COL26A1: variants seen among roughly 807,000 people sequenced by gnomAD.
The protein encoded by COL26A1 is collagen alpha-1(XXVI) chain.
A neutral mutation model predicts 59.3 loss-of-function variants in COL26A1; 41 were observed. The ratio of observed to expected loss-of-function variants is 0.69; its 90% CI spans 0.54 to 0.90. The LOEUF (loss-of-function observed/expected upper bound fraction) is 0.90. Ranked by LOEUF, COL26A1 falls within the 40% of genes least tolerant of loss-of-function variation. COL26A1 has a pLI of 0.00. For synonymous variants in COL26A1, 266 were observed against 256.0 expected (o/e 1.04, Z -0.37); for missense variants, 612 against 602.3 (o/e 1.02, Z -0.17).
chr7:101,498,790 C>T (rs1412915470), intron 3 of COL26A1, among the ~76,000 whole-genome samples: 1 of 152,062 alleles, frequency 6.6e-6, no homozygotes, highest in East Asian at 1.9e-4. Flanking sequence ...AAGTCAAAGG[C>T]TATTGTTGTT....
intron 3 of COL26A1, 128 bp downstream of exon 3, chr7:101,447,915 A>C (rs915917964): frequency 6.1e-6 from 4 of 657,964 alleles, no homozygotes; most frequent in African/African-American, 1.8e-5. Flanking sequence ...CCTTTTCCCA[A>C]TCGCCTCTGA....
At chr7:101,523,349 G>A (rs553688432) in intron 3 of COL26A1, among the ~76,000 whole-genome samples, 5 of 152,230 alleles carry the variant, frequency 3.3e-5, no homozygotes, top group South Asian at 2.1e-4. Flanking sequence ...AATTACAGGC[G>A]TGAGCCACCA....
chr7:101,517,506 C>A (rs906849520), intron 3 of COL26A1, among the ~76,000 whole-genome samples: 4 of 152,218 alleles, frequency 2.6e-5, no homozygotes, highest in Non-Finnish European at 2.9e-5. Flanking sequence ...AGAGCTTGTG[C>A]TGGGTGCAGG....
chr7:101,456,265 G>A (rs959508645), intron 3 of COL26A1, among the ~76,000 whole-genome samples: 1 of 151,242 alleles, frequency 6.6e-6, no homozygotes, highest in African/African-American at 2.4e-5. Flanking sequence ...AGGCTGGGGT[G>A]CAGTGGTGTG....
In COL26A1 at chr7:101,517,499, G is replaced by A. The variant is rs148779537; in HGVS notation, c.386-15583G>A. ...GTGAGACTTCCCCAGCCACGAGAGA[G>A]CTTGTGCTGGGTGCAGGGAAACTCC... is the stretch of plus-strand genomic sequence containing the variant. On this transcript the variant is annotated intron_variant, in intron 3 of 12. Coordinates refer to ENST00000313669, the MANE Select transcript of COL26A1 (RefSeq NM_001278563.3). Among the ~76,000 whole-genome samples, 965 of 152,332 alleles carry A rather than the reference G, an allele frequency of 6.3e-3. 6 individuals are homozygous for A. The highest frequency in any genetic ancestry group is 0.022 in the African/African-American group (902 of 41,582).
chr7:101,386,544 GCAGGCC>G (rs1324711720), intron 1 of COL26A1, among the ~76,000 whole-genome samples: 2 of 152,180 alleles, frequency 1.3e-5, no homozygotes, highest in Non-Finnish European at 2.9e-5. Flanking sequence ...CAGCTGAACC[GCAGGCC>G]CCTGGGGGTC....
At chr7:101,444,505 C>T (rs1584412675) in intron 2 of COL26A1, among the ~76,000 whole-genome samples, 3 of 151,480 alleles carry the variant, frequency 2.0e-5, no homozygotes, top group Middle Eastern at 3.4e-3. Context: ...AACTCCGCCT[C>T]CTGGGTTCAA....
At chr7:101,551,517 G>A (rs537146232) in intron 10 of COL26A1, among the ~76,000 whole-genome samples, 2 of 152,086 alleles carry the variant, frequency 1.3e-5, no homozygotes, top group East Asian at 1.9e-4. Flanking sequence ...TCCTTTAATC[G>A]ACTTTCTTGG....
At chr7:101,484,846 T>TAATG (rs1357287826) in intron 3 of COL26A1, among the ~76,000 whole-genome samples, 2 of 150,840 alleles carry the variant, frequency 1.3e-5, no homozygotes, top group Admixed American at 1.3e-4. Context: ...TATTTTTAAT[T>TAATG]AATTAATTAA....
At chr7:101,507,900 T>C (rs1794844974) in intron 3 of COL26A1, among the ~76,000 whole-genome samples, 1 of 152,144 alleles carries the variant, frequency 6.6e-6, no homozygotes, top group Non-Finnish European at 1.5e-5. Flanking sequence ...GGTTTCTTTG[T>C]GCAGATTAAG....
intron 6 of COL26A1, 33 bp from the exon 7 acceptor site, chr7:101,545,305 C>T (rs372785147): frequency 6.9e-5 from 106 of 1,532,766 alleles, no homozygotes; most frequent in Non-Finnish European, 8.2e-5. Flanking sequence ...CAGGCTCCGG[C>T]TGCCACAGTG....
At chr7:101,460,708 G>C (rs1482568397) in intron 3 of COL26A1, among the ~76,000 whole-genome samples, 1 of 152,044 alleles carries the variant, frequency 6.6e-6, no homozygotes, top group Non-Finnish European at 1.5e-5. Context: ...TTGAACCCGG[G>C]AGGCGGAGGT....
chr7:101,432,895 T>C (rs1330056782), intron 2 of COL26A1, among the ~76,000 whole-genome samples: 1 of 151,886 alleles, frequency 6.6e-6, no homozygotes, highest in Non-Finnish European at 1.5e-5. Context: ...AGAGACAGGG[T>C]TTCGCCATAT....
At position 101,424,175 on chromosome 7, in the gene COL26A1, TG is replaced by T. The variant is rs548239912; in HGVS notation, c.281+4079del. 1.6e-3 allele frequency among the ~76,000 whole-genome samples: 238 copies of T among 152,366 alleles called. 1 individual carries two copies. Among genetic ancestry groups the T allele is most frequent in the South Asian group, 3.5e-3 (17 of 4,828 alleles). On this transcript the variant is annotated intron_variant, in intron 2 of 12. Transcript: ENST00000313669. Reference sequence around the variant, plus strand: ...GTGATTGTGCCACTGTACTCCAGCCTGGGCGACAGAGCGAGACCGTGTCTGA... The same window carrying T: ...GTGATTGTGCCACTGTACTCCAGCCTGGCGACAGAGCGAGACCGTGTCTGA...
intron 5 of COL26A1, among the ~76,000 whole-genome samples, chr7:101,541,281 T>A (rs1482446263): frequency 6.6e-6 from 1 of 152,246 alleles, no homozygotes; most frequent in Admixed American, 6.5e-5. Flanking sequence ...CTCTGAACTC[T>A]CTGGCTGGAA....
intron 3 of COL26A1, among the ~76,000 whole-genome samples, chr7:101,457,595 T>C (rs1373848538): frequency 6.6e-6 from 1 of 152,188 alleles, no homozygotes; most frequent in African/African-American, 2.4e-5. Context: ...CGTGTGAGGT[T>C]AGAAGCAAGA....
intron 3 of COL26A1, among the ~76,000 whole-genome samples, chr7:101,492,208 C>T (rs376319804): frequency 2.0e-5 from 3 of 151,960 alleles, no homozygotes; most frequent in East Asian, 1.9e-4. Context: ...AGAATCTTGA[C>T]GGAAAACTAC....
chr7:101,372,816 C>T (rs1049784889), intron 1 of COL26A1, among the ~76,000 whole-genome samples: 1 of 151,970 alleles, frequency 6.6e-6, no homozygotes, highest in Non-Finnish European at 1.5e-5. Flanking sequence ...GGCAACACAG[C>T]AAGACCCCGT....
rs115362864 is a variant in COL26A1, at chr7:101,440,085, G to A, written c.282-7599G>A. On this transcript the variant is annotated intron_variant, in intron 2 of 12. Coordinates refer to ENST00000313669, the MANE Select transcript of COL26A1 (RefSeq NM_001278563.3). ...TCTGCATTTTAGAAAGTTTGCCTAGGCCAGGGGCAGTGGCTCACGCCTGTA... is the reference window on the plus strand; with the variant it reads ...TCTGCATTTTAGAAAGTTTGCCTAGACCAGGGGCAGTGGCTCACGCCTGTA... 3.8e-3 allele frequency among the ~76,000 whole-genome samples: 575 copies of A among 152,314 alleles called. 3 individuals carry two copies. The highest frequency in any genetic ancestry group is 0.013 in the African/African-American group (554 of 41,576).
Sources: gnomAD v4.1 joint callset for allele counts (sites outside exome capture counted in the v4.1 genomes callset) on GRCh38, gnomAD v4.1.1 for gene constraint, MANE v1.5 for transcripts, NCBI Gene and HGNC (gene_info 2026-07-23, HGNC 2026-07-21) for gene names.